The following RABGAP1L variants were observed in gnomAD, a reference collection of about 807,000 sequenced individuals.
RABGAP1L encodes rab GTPase-activating protein 1-like.
Under a neutral mutation model 137.7 loss-of-function variants are expected in RABGAP1L, and 63 were observed. That is an observed-to-expected ratio of 0.46 (90% CI 0.37 to 0.56). The LOEUF (loss-of-function observed/expected upper bound fraction) is 0.56, where lower values mean the gene tolerates loss of function less well. Ranked by LOEUF, RABGAP1L falls within the 20% of genes least tolerant of loss-of-function variation. The pLI is 0.00. For synonymous variants in RABGAP1L, 431 were observed against 433.7 expected (o/e 0.99, Z 0.08); for missense variants, 1,095 against 1,244.0 (o/e 0.88, Z 1.80).
chr1:174,535,137 A>G (rs955584672), intron 13 of RABGAP1L, among the ~76,000 whole-genome samples: 3 of 152,224 alleles, frequency 2.0e-5, no homozygotes, highest in East Asian at 3.8e-4. Context: ...TGCAGTTAAG[A>G]CAATTTGCAT....
At chr1:174,659,913 C>T (rs1281102910) in intron 14 of RABGAP1L, among the ~76,000 whole-genome samples, 1 of 152,156 alleles carries the variant, frequency 6.6e-6, no homozygotes, top group African/African-American at 2.4e-5. Context: ...TCTTACACTA[C>T]ATGTTGAGTA....
intron 11 of RABGAP1L, among the ~76,000 whole-genome samples, chr1:174,308,916 A>G (rs181933549): frequency 6.7e-4 from 102 of 152,004 alleles, no homozygotes; most frequent in Non-Finnish European, 9.6e-4. Flanking sequence ...GAAGAATGTC[A>G]TTGGAATTTT....
chr1:174,721,073 A>T (rs928489172), intron 17 of RABGAP1L, among the ~76,000 whole-genome samples: 1 of 152,188 alleles, frequency 6.6e-6, no homozygotes, highest in African/African-American at 2.4e-5. Flanking sequence ...TTTCCTAATG[A>T]CTAGGAAATA....
intron 13 of RABGAP1L, among the ~76,000 whole-genome samples, chr1:174,423,156 G>C (rs531502936): frequency 6.6e-6 from 1 of 152,130 alleles, no homozygotes; most frequent in Non-Finnish European, 1.5e-5. Flanking sequence ...AAAATTATTT[G>C]TATGGGTTAC....
chr1:174,625,100 C>A (rs1672848529), intron 13 of RABGAP1L, among the ~76,000 whole-genome samples: 1 of 152,046 alleles, frequency 6.6e-6, no homozygotes, highest in South Asian at 2.1e-4. Context: ...TCTTCAACTC[C>A]TGATCTCATG....
intron 17 of RABGAP1L, among the ~76,000 whole-genome samples, chr1:174,739,099 A>G (rs1683181321): frequency 6.6e-6 from 1 of 152,196 alleles, no homozygotes; most frequent in African/African-American, 2.4e-5. Context: ...TACTTGGGAA[A>G]GAACTTTCAG....
chr1:174,349,023 C>T (rs1264433540), intron 11 of RABGAP1L, among the ~76,000 whole-genome samples: 4 of 150,164 alleles, frequency 2.7e-5, no homozygotes, highest in Non-Finnish European at 5.9e-5. Flanking sequence ...CCTCACCTCC[C>T]GGACAGGGCG....
intron 13 of RABGAP1L, among the ~76,000 whole-genome samples, chr1:174,601,554 G>C (rs899490391): frequency 6.6e-6 from 1 of 152,118 alleles, no homozygotes; most frequent in Non-Finnish European, 1.5e-5. Context: ...TAAATGACGA[G>C]TTAATGGGTG....
chr1:174,784,144 C>T (rs1217249991), intron 18 of RABGAP1L, among the ~76,000 whole-genome samples: 2 of 150,506 alleles, frequency 1.3e-5, no homozygotes, highest in Non-Finnish European at 3.0e-5. Flanking sequence ...CTCAGCCTCC[C>T]GAGTAGCTGG....
rs201826511 is a variant in RABGAP1L, at chr1:174,502,651, C to CAT, written c.1710+108513_1710+108514dup. 1.8e-4 allele frequency among the ~76,000 whole-genome samples: 24 copies of CAT among 133,596 alleles called. 1 individual carries two copies. The East Asian group carries it at 2.3e-3, about 13-fold the overall frequency. 87.6% of individuals were successfully genotyped at this position (133,596 alleles called of 152,430 possible). ...ATATATATGTGTGTATATATATGTA[C>CAT]ATATATATGTGTGTGTGTATATATA... On this transcript the variant is annotated intron_variant, in intron 13 of 25. Transcript: ENST00000681986.
chr1:174,223,174 G>A (rs976456715), intron 3 of RABGAP1L, among the ~76,000 whole-genome samples: 2 of 146,796 alleles, frequency 1.4e-5, no homozygotes, highest in Non-Finnish European at 3.0e-5. Flanking sequence ...AGGCTGAGGC[G>A]AGAGAATCGC....
In RABGAP1L at chr1:174,992,148, AT is replaced by A. The variant is rs957372113; in HGVS notation, c.*2148del. On this transcript the variant is annotated 3_prime_UTR_variant, in exon 26 of 26. Transcript: ENST00000681986. The stretch of plus-strand genomic sequence containing the variant: ...TCCTTTTAAAGAGGAGAAGAGAAAA[AT>A]CCCCCCTGGCCAGGCATGGTGGCTC... 1 of 152,148 alleles carries A rather than the reference AT, an allele frequency of 6.6e-6. No homozygotes were observed. Among genetic ancestry groups the A allele is most frequent in the African/African-American group, 2.4e-5 (1 of 41,402 alleles). The allele number at this position is 152,148 out of a possible 1,614,324, so 9.4% of individuals were successfully genotyped here.
intron 19 of RABGAP1L, among the ~76,000 whole-genome samples, chr1:174,823,821 A>G (rs1275521194): frequency 6.6e-6 from 1 of 152,206 alleles, no homozygotes; most frequent in Non-Finnish European, 1.5e-5. Flanking sequence ...TTCTCCATAA[A>G]TATGTACAAT....
At chr1:174,172,993 A>C (rs946162447) in intron 1 of RABGAP1L, among the ~76,000 whole-genome samples, 2 of 152,100 alleles carry the variant, frequency 1.3e-5, no homozygotes, top group Admixed American at 1.3e-4. Flanking sequence ...TTTATTATAG[A>C]TATTAGTGTT....
intron 19 of RABGAP1L, among the ~76,000 whole-genome samples, chr1:174,948,538 G>A (rs1667247523): frequency 6.9e-6 from 1 of 145,908 alleles, no homozygotes; most frequent in African/African-American, 2.6e-5. Flanking sequence ...AAAAAGGAGT[G>A]TAACTGGATT....
intron 13 of RABGAP1L, among the ~76,000 whole-genome samples, chr1:174,460,614 T>G (rs1429310990): frequency 6.6e-6 from 1 of 152,142 alleles, no homozygotes; most frequent in Non-Finnish European, 1.5e-5. Context: ...TTAAGATTAT[T>G]TATGTATATT....
At chr1:174,934,056 A>G (rs1357703112) in intron 19 of RABGAP1L, among the ~76,000 whole-genome samples, 4 of 152,160 alleles carry the variant, frequency 2.6e-5, no homozygotes, top group African/African-American at 9.7e-5. Context: ...CAAAGAAATA[A>G]AAGTTTTGCA....
intron 20 of RABGAP1L, among the ~76,000 whole-genome samples, chr1:174,966,941 T>G (rs953391956): frequency 6.6e-6 from 1 of 152,186 alleles, no homozygotes; most frequent in Non-Finnish European, 1.5e-5. Context: ...CCTTTTTTTC[T>G]TAATAAAACT....
intron 18 of RABGAP1L, among the ~76,000 whole-genome samples, chr1:174,772,855 A>G (rs1242865548): frequency 6.6e-6 from 1 of 152,118 alleles, no homozygotes; most frequent in Non-Finnish European, 1.5e-5. Flanking sequence ...TATCTCTGGC[A>G]TATTTCACTT....
Sources: gnomAD v4.1 joint callset for allele counts (sites outside exome capture counted in the v4.1 genomes callset) on GRCh38, gnomAD v4.1.1 for gene constraint, MANE v1.5 for transcripts, NCBI Gene and HGNC (gene_info 2026-07-23, HGNC 2026-07-21) for gene names.